Variants in MICU3 observed in about 807,000 individuals in gnomAD.
The protein encoded by MICU3 is mitochondrial calcium uptake 3.
Under a neutral mutation model 66.5 loss-of-function variants are expected in MICU3, and 62 were observed. The observed-to-expected ratio is 0.93, with a 90% CI of 0.76 to 1.15. The LOEUF (loss-of-function observed/expected upper bound fraction) is 1.15, where lower values mean the gene tolerates loss of function less well. Ranked by LOEUF, MICU3 falls within the 50% of genes most tolerant of loss-of-function variation. MICU3 has a pLI of 0.00. For missense variants in MICU3, 779 were observed against 664.4 expected, an observed-to-expected ratio of 1.17 and a Z score of -1.90; for synonymous variants, 308 against 240.7, an observed-to-expected ratio of 1.28 and a Z score of -2.59.
chr8:17,112,157 A>G (rs1802260617), intron 11 of MICU3, among the ~76,000 whole-genome samples: 1 of 152,168 alleles, frequency 6.6e-6, no homozygotes, highest in Non-Finnish European at 1.5e-5. Context: ...GCAATTTGAG[A>G]TGAGATTTGG....
At chr8:17,072,083 T>G (rs1263815504) in intron 3 of MICU3, among the ~76,000 whole-genome samples, 1 of 151,650 alleles carries the variant, frequency 6.6e-6, no homozygotes, top group Non-Finnish European at 1.5e-5. Flanking sequence ...TTAGAACAAT[T>G]CTGAAAAGGA....
At chr8:17,079,523 A>C (rs1004292698) in intron 4 of MICU3, among the ~76,000 whole-genome samples, 2 of 151,918 alleles carry the variant, frequency 1.3e-5, no homozygotes, top group Admixed American at 6.6e-5. Flanking sequence ...TTGAAGACTA[A>C]TTTTATTTTT....
chr8:17,058,405 C>G (rs56865782), intron 1 of MICU3, among the ~76,000 whole-genome samples: 2,597 of 152,116 alleles, frequency 0.017, 70 homozygotes, highest in African/African-American at 0.059. Context: ...AGTGAAATGG[C>G]CATATTTGTT....
intron 1 of MICU3, among the ~76,000 whole-genome samples, chr8:17,062,851 C>G (rs1818056727): frequency 6.6e-6 from 1 of 150,852 alleles, no homozygotes; most frequent in Non-Finnish European, 1.5e-5. Flanking sequence ...TGTACTCCAG[C>G]CTGGGTGACA....
In MICU3 at chr8:17,122,283, A is replaced by T. The variant is rs1585595977; in HGVS notation, c.*1996A>T. The T allele has an allele frequency of 6.6e-6, 1 of 151,970 alleles. No individual in the cohort carries two copies. Among genetic ancestry groups the T allele is most frequent in the East Asian group, 1.9e-4 (1 of 5,186 alleles). 9.4% of individuals were successfully genotyped at this position (151,970 alleles called of 1,614,324 possible). A position where few individuals can be genotyped will look rare whatever the true frequency, so the allele number is the denominator to read the frequency against. On this transcript the variant is annotated 3_prime_UTR_variant, in exon 15 of 15. Transcript: ENST00000318063. ...ATTTCCATCATATTATCACTCTTGAATTTTATCATCTATAAAATGAGAGAT... is the reference window on the plus strand; with the variant it reads ...ATTTCCATCATATTATCACTCTTGATTTTTATCATCTATAAAATGAGAGAT...
chr8:17,045,704 C>G (rs1398377550), intron 1 of MICU3, among the ~76,000 whole-genome samples: 1 of 152,164 alleles, frequency 6.6e-6, no homozygotes, highest in East Asian at 1.9e-4. Flanking sequence ...GAAGACATAC[C>G]TGAGATTGGG....
chr8:17,133,800 T>C, the MICU3 span, among the ~76,000 whole-genome samples: 3 of 152,180 alleles, frequency 2.0e-5, no homozygotes, highest in Non-Finnish European at 4.4e-5. Flanking sequence ...ATTTTAAATA[T>C]TTAAAAAGAT....
intron 1 of MICU3, among the ~76,000 whole-genome samples, chr8:17,049,272 C>A (rs1234534653): frequency 2.0e-5 from 3 of 152,102 alleles, no homozygotes; most frequent in Non-Finnish European, 4.4e-5. Flanking sequence ...CAAGAAAAAG[C>A]CAGACAGTAG....
chr8:17,123,025 AAC>A (rs1338254268), downstream of MICU3, among the ~76,000 whole-genome samples: 1 of 152,086 alleles, frequency 6.6e-6, no homozygotes, highest in African/African-American at 2.4e-5. Context: ...ATAGTAAATT[AAC>A]ACTTTTTAAA....
intron 9 of MICU3, among the ~76,000 whole-genome samples, chr8:17,101,081 A>G (rs1801214476): frequency 6.6e-6 from 1 of 151,898 alleles, no homozygotes; most frequent in Non-Finnish European, 1.5e-5. Flanking sequence ...AATATGTTAA[A>G]AGAATATTTT....
intron 11 of MICU3, among the ~76,000 whole-genome samples, chr8:17,112,874 C>G (rs1802330353): frequency 6.6e-6 from 1 of 152,182 alleles, no homozygotes; most frequent in South Asian, 2.1e-4. Context: ...GCAACAAGCT[C>G]TCCACATCAC....
intron 1 of MICU3, among the ~76,000 whole-genome samples, chr8:17,043,957 C>G (rs1274574195): frequency 6.6e-6 from 1 of 152,100 alleles, no homozygotes; most frequent in East Asian, 1.9e-4. Flanking sequence ...AAAAATATCC[C>G]ACATATATGT....
intron 4 of MICU3, among the ~76,000 whole-genome samples, chr8:17,078,365 A>T (rs1820693415): frequency 6.6e-6 from 1 of 152,044 alleles, no homozygotes; most frequent in Non-Finnish European, 1.5e-5. Flanking sequence ...CTGCAAATAT[A>T]CCTGTTTCAA....
chr8:17,037,071 C>T (rs1412988427), intron 1 of MICU3, among the ~76,000 whole-genome samples: 2 of 152,242 alleles, frequency 1.3e-5, no homozygotes, highest in Non-Finnish European at 2.9e-5. Context: ...TGCTAAGTCC[C>T]TCACTGCCCG....
At chr8:17,060,444 A>G (rs950257824) in intron 1 of MICU3, among the ~76,000 whole-genome samples, 1 of 152,040 alleles carries the variant, frequency 6.6e-6, no homozygotes, top group Non-Finnish European at 1.5e-5. Context: ...AGTAGCTGGG[A>G]TTACAGGCAT....
chr8:17,036,921 A>T (rs563476419), intron 1 of MICU3, among the ~76,000 whole-genome samples: 3 of 152,314 alleles, frequency 2.0e-5, no homozygotes, highest in South Asian at 4.1e-4. Flanking sequence ...AGTGGGTGGG[A>T]GGCTCAGGCA....
intron 1 of MICU3, among the ~76,000 whole-genome samples, chr8:17,033,725 C>T (rs770565445): frequency 4.6e-5 from 7 of 152,092 alleles, no homozygotes; most frequent in South Asian, 2.1e-4. Flanking sequence ...TGTGAGCCAC[C>T]GTGCCTGGCC....
chr8:17,102,906 CCAAA>C (rs1482650527), intron 9 of MICU3, among the ~76,000 whole-genome samples: 5 of 151,770 alleles, frequency 3.3e-5, no homozygotes, highest in African/African-American at 1.2e-4. Flanking sequence ...TAGAGATCTA[CCAAA>C]CAATGACAAG....
intron 12 of MICU3, among the ~76,000 whole-genome samples, chr8:17,114,668 A>T (rs1306907935): frequency 2.6e-5 from 4 of 152,156 alleles, no homozygotes; most frequent in African/African-American, 9.7e-5. Flanking sequence ...TAGGTGGACT[A>T]AGAAGCCAAG....
Sources: gnomAD v4.1 joint callset for allele counts (sites outside exome capture counted in the v4.1 genomes callset) on GRCh38, gnomAD v4.1.1 for gene constraint, MANE v1.5 for transcripts, NCBI Gene and HGNC (gene_info 2026-07-23, HGNC 2026-07-21) for gene names.